Variants in LPIN1 observed in about 807,000 individuals in gnomAD.
The protein encoded by LPIN1 is lipin 1.
In LPIN1, 71 loss-of-function variants were observed where a neutral mutation model predicts 107.5. The ratio of observed to expected loss-of-function variants is 0.66; its 90% confidence interval spans 0.55 to 0.80. The LOEUF (loss-of-function observed/expected upper bound fraction) is 0.80, where lower values mean the gene tolerates loss of function less well. Ranked by LOEUF, LPIN1 falls within the 30% of genes least tolerant of loss-of-function variation. The pLI is 0.00. For missense variants in LPIN1, 1,043 were observed against 1,160.6 expected (o/e 0.90, Z 1.47); for synonymous variants, 445 against 452.6 (o/e 0.98, Z 0.21).
intron 20 of LPIN1, among the ~76,000 whole-genome samples, chr2:11,823,582 G>A (rs376688425): frequency 6.6e-6 from 1 of 152,118 alleles, no homozygotes; most frequent in Non-Finnish European, 1.5e-5. Context: ...CTGGAGTCTG[G>A]ATTTTGGAAG....
Position 11,771,271 on chromosome 2 carries a change from G to T in LPIN1, c.289-101G>T. Reference sequence around the variant, plus strand: ...CATCTGCTGTGGCCCTCCCCAGGAGGTGCTTGGCCTCTGAAGTGAATCCTG... The same window carrying T: ...CATCTGCTGTGGCCCTCCCCAGGAGTTGCTTGGCCTCTGAAGTGAATCCTG... On this transcript the variant is annotated intron_variant, in intron 3 of 20. Coordinates refer to ENST00000674199, the MANE Select transcript of LPIN1 (RefSeq NM_001349206.2). This position sits in a 1 kb window ranked among gnomAD's most constrained non-coding sequence, Gnocchi z 4.8. 5 of 1,164,860 alleles carry T rather than the reference G, an allele frequency of 4.3e-6. No individual in the cohort carries two copies. In the South Asian group the frequency reaches 6.4e-5, roughly 15 times the overall value. 72.2% of individuals were successfully genotyped at this position (1,164,860 alleles called of 1,614,324 possible).
chr2:11,799,707 C>G (rs1261177749), intron 14 of LPIN1, among the ~76,000 whole-genome samples: 2 of 152,024 alleles, frequency 1.3e-5, no homozygotes, highest in African/African-American at 4.8e-5. Context: ...ATGTCTGGGT[C>G]TCCCAGTCCA....
At chr2:11,752,766 A>G (rs1399463114) in intron 1 of LPIN1, among the ~76,000 whole-genome samples, 1 of 152,066 alleles carries the variant, frequency 6.6e-6, no homozygotes, top group African/African-American at 2.4e-5. Context: ...AATCTTCTAG[A>G]GGTGGCTGGT....
chr2:11,775,324 G>C (rs913947442), intron 5 of LPIN1, among the ~76,000 whole-genome samples: 1 of 152,168 alleles, frequency 6.6e-6, no homozygotes, highest in African/African-American at 2.4e-5. Flanking sequence ...AGAATATTTA[G>C]AACCCAATAA....
At chr2:11,766,623 C>T (rs532258410) in intron 2 of LPIN1, among the ~76,000 whole-genome samples, 49 of 152,274 alleles carry the variant, frequency 3.2e-4, no homozygotes, top group African/African-American at 9.1e-4. Context: ...ATGTTCAAAA[C>T]GTGATGGCAC....
intron 10 of LPIN1, 55 bp downstream of exon 10, chr2:11,785,131 A>C: frequency 4.4e-6 from 6 of 1,353,224 alleles, no homozygotes; most frequent in Non-Finnish European, 5.9e-6. Flanking sequence ...GAAGGCGCAG[A>C]GGCTTAGGCT....
At chr2:11,743,066 C>T (rs929372928), upstream of LPIN1, among the ~76,000 whole-genome samples, 11 of 152,206 alleles carry the variant, frequency 7.2e-5, no homozygotes, top group African/African-American at 1.4e-4. The surrounding 1 kb of genome is among the most constrained non-coding windows in gnomAD (Gnocchi z 4.7). Flanking sequence ...CAGTTCACAG[C>T]GGCCTGAAGC....
At chr2:11,742,076 C>G (rs1434624647), upstream of LPIN1, 3 of 152,104 alleles carry the variant, frequency 2.0e-5, no homozygotes, top group Non-Finnish European at 4.4e-5. Flanking sequence ...TCAGACAGCA[C>G]TCAGCCACGT....
At chr2:11,729,084 T>C (rs986588628) in intron 1 of LPIN1, among the ~76,000 whole-genome samples, 3 of 152,174 alleles carry the variant, frequency 2.0e-5, no homozygotes, top group Admixed American at 2.0e-4. Flanking sequence ...TATGCCTATG[T>C]CCAGATCGAA....
intron 12 of LPIN1, among the ~76,000 whole-genome samples, chr2:11,790,978 C>G (rs1675620894): frequency 1.3e-5 from 2 of 151,760 alleles, no homozygotes; most frequent in Non-Finnish European, 1.5e-5. Flanking sequence ...GGCCTGCTTT[C>G]TTTTTTTAAA....
intron 1 of LPIN1, chr2:11,683,058 T>G (rs1572294364): frequency 6.6e-6 from 1 of 151,922 alleles, no homozygotes; most frequent in African/African-American, 2.4e-5. Context: ...AGGGCCAGAG[T>G]GGGGAGCAAG....
intron 7 of LPIN1, among the ~76,000 whole-genome samples, chr2:11,781,963 A>G (rs1257435461): frequency 6.6e-6 from 1 of 152,248 alleles, no homozygotes; most frequent in Non-Finnish European, 1.5e-5. Context: ...GCCTGTTGGC[A>G]TTGCTAATCT....
intron 1 of LPIN1, among the ~76,000 whole-genome samples, chr2:11,764,607 G>C (rs545433029): frequency 6.6e-6 from 1 of 152,362 alleles, no homozygotes; most frequent in South Asian, 2.1e-4. Context: ...CAGCAGCCCA[G>C]AGCGCTGGTG....
chr2:11,787,680 G>A (rs1466808708), intron 11 of LPIN1, among the ~76,000 whole-genome samples: 2 of 151,966 alleles, frequency 1.3e-5, no homozygotes, highest in African/African-American at 2.4e-5. Flanking sequence ...AGTGGCTGGC[G>A]CCTGTAAACT....
rs560723663 is a variant in LPIN1 at position 11,772,753 on chromosome 2, T to G, written c.597-867T>G. Among the ~76,000 whole-genome samples the G allele has an allele frequency of 2.6e-5, 4 of 152,328 alleles. No homozygotes were observed. The South Asian group carries it at 8.3e-4, about 32-fold the overall frequency. On this transcript the variant is annotated intron_variant, in intron 4 of 20. Transcript: ENST00000674199. ...AGATAAAATTCATTTTGAAGGATAT[T>G]TGATGTTTCAGATTTTTACATAATT...
At chr2:11,798,893 C>T (rs1048420156) in intron 14 of LPIN1, among the ~76,000 whole-genome samples, 30 of 152,130 alleles carry the variant, frequency 2.0e-4, no homozygotes, top group African/African-American at 6.3e-4. Flanking sequence ...ATTAAAATAG[C>T]GTTTGAAAAA....
At chr2:11,792,359 T>C in intron 13 of LPIN1, 2 of 228,916 alleles carry the variant, frequency 8.7e-6, no homozygotes, top group East Asian at 1.1e-4. Context: ...GAGACAATTT[T>C]TCTTTTTCTT....
chr2:11,746,042 G>T (rs141846909), upstream of LPIN1: 1,517 of 152,510 alleles, frequency 9.9e-3, 8 homozygotes, highest in Admixed American at 0.017. Flanking sequence ...CCTGTTCAGA[G>T]CCACCGTTCC....
chr2:11,688,974 C>G (rs58196703), intron 1 of LPIN1, among the ~76,000 whole-genome samples: 19,697 of 150,460 alleles, frequency 0.13, 1,335 homozygotes, highest in East Asian at 0.24. Flanking sequence ...TCACCAGATA[C>G]AAAGAAAAGG....
Sources: gnomAD v4.1 joint callset for allele counts (sites outside exome capture counted in the v4.1 genomes callset) on GRCh38, gnomAD v4.1.1 for gene constraint, Gnocchi (gnomAD v3.1) non-coding constraint, MANE v1.5 for transcripts, NCBI Gene and HGNC (gene_info 2026-07-23, HGNC 2026-07-21) for gene names.